DROSHA: variants seen among roughly 807,000 people sequenced by gnomAD.
The protein encoded by DROSHA is drosha ribonuclease III.
In DROSHA, 56 loss-of-function variants were observed where a neutral mutation model predicts 181.9. The ratio of observed to expected loss-of-function variants is 0.31; its 90% CI spans 0.25 to 0.38. DROSHA has a LOEUF of 0.38. Ranked by LOEUF, DROSHA falls within the 10% of genes least tolerant of loss-of-function variation. The probability of loss-of-function intolerance (pLI) is 1.00; values close to 1 mark genes in which losing one functional copy is unlikely to be tolerated. For synonymous variants in DROSHA, 524 were observed against 591.2 expected (o/e 0.89, Z 1.65); for missense variants, 1,218 against 1,743.5 (o/e 0.70, Z 5.37).
Position 31,529,072 on chromosome 5 carries a change from G to C in DROSHA, c.-13C>G. ...TTCCCTGCATCATGATGTTCCGCCTGGATATGTCACATCTTCCACAGAGAA... is the reference window on the plus strand; with the variant it reads ...TTCCCTGCATCATGATGTTCCGCCTCGATATGTCACATCTTCCACAGAGAA... On this transcript the variant is annotated 5_prime_UTR_variant, in exon 4 of 36. Transcript: ENST00000344624. 1 of 1,612,620 alleles carries C rather than the reference G, an allele frequency of 6.2e-7. No homozygotes were observed. The highest frequency in any genetic ancestry group is 8.5e-7 in the Non-Finnish European group (1 of 1,179,500).
chr5:31,406,078 TACAG>T lies in DROSHA; in HGVS notation c.3948-359_3948-356del, dbSNP rs147832282. ...TAAAGAGGAAAAGAATAAAAAAAAA[TACAG>T]ACAGGTTTCAAATCATTTCTCAGTT... On this transcript the variant is annotated intron_variant, in intron 34 of 35. Coordinates refer to ENST00000344624, the MANE Select transcript of DROSHA (RefSeq NM_001382508.1). Among the ~76,000 whole-genome samples the T allele has an allele frequency of 5.4e-3, 817 of 152,168 alleles. 9 individuals carry two copies. The highest frequency in any genetic ancestry group is 0.019 in the African/African-American group (789 of 41,512).
In DROSHA at chr5:31,409,971, T is replaced by TA. The variant is rs34034465; in HGVS notation, c.3668-640dup. 9.4e-3 allele frequency among the ~76,000 whole-genome samples: 1,361 copies of TA among 144,648 alleles called. 10 individuals carry two copies. The highest frequency in any genetic ancestry group is 0.014 in the Middle Eastern group (4 of 282). The allele number at this position is 144,648 out of a possible 152,430, so 94.9% of individuals were successfully genotyped here. A position where few individuals can be genotyped will look rare whatever the true frequency, so the allele number is the denominator to read the frequency against. ...GGAATAAAAATAGCTTTCATTGAGC[T>TA]AAAAAAAAAAAAAAGAATGATCTCT... On this transcript the variant is annotated intron_variant, in intron 31 of 35. Transcript: ENST00000344624. This position sits in a 1 kb window ranked among gnomAD's most constrained non-coding sequence, Gnocchi z 4.0.
intron 20 of DROSHA, among the ~76,000 whole-genome samples, chr5:31,456,035 T>G (rs539121771): frequency 6.6e-6 from 1 of 152,248 alleles, no homozygotes; most frequent in South Asian, 2.1e-4. Context: ...CCACAGATTT[T>G]ATATCCAGCC....
chr5:31,472,149 TCTC>T lies in DROSHA; in HGVS notation c.2152_2154del (p.Glu718del). 1 of 1,613,966 alleles carries T rather than the reference TCTC, an allele frequency of 6.2e-7. No homozygotes were observed. The highest frequency in any genetic ancestry group is 8.5e-7 in the Non-Finnish European group (1 of 1,179,874). Reference sequence around the variant, plus strand: ...TCCTCCCACTGAAGCATATTGGCAATCTCCTCCTCAGGCACCAGGGCTTTGCTG... The same window carrying T: ...TCCTCCCACTGAAGCATATTGGCAATCTCCTCAGGCACCAGGGCTTTGCTG... On this transcript the variant is annotated inframe_deletion, in exon 17 of 36. Transcript: ENST00000344624.
chr5:31,495,208 A>G, intron 12 of DROSHA, 78 bp downstream of exon 12: 2 of 1,423,360 alleles, frequency 1.4e-6, no homozygotes, highest in Middle Eastern at 3.5e-4. Flanking sequence ...TTGAGAACAG[A>G]ATCAATAACT....
chr5:31,525,666 G>T lies in DROSHA; in HGVS notation c.854+413C>A, dbSNP rs1033260164. Among the ~76,000 whole-genome samples, 5 of 152,106 alleles carry T rather than the reference G, an allele frequency of 3.3e-5. No homozygotes were observed. In the East Asian group the frequency reaches 9.7e-4, roughly 29 times the overall value. ...GAAAGTCCTTCCTGTTAACTAATTT[G>T]ATTCTTTATTAACACGCAGATCGCC... On this transcript the variant is annotated intron_variant, in intron 5 of 35. Coordinates refer to ENST00000344624, the MANE Select transcript of DROSHA (RefSeq NM_001382508.1).
intron 20 of DROSHA, 77 bp from the exon 21 acceptor site, chr5:31,451,717 G>A (rs1029032305): frequency 1.2e-5 from 15 of 1,226,866 alleles, no homozygotes; most frequent in African/African-American, 1.1e-4. Context: ...CAACAAGCCA[G>A]AACCATTTTC....
In DROSHA at chr5:31,511,047, C is replaced by T. The variant is rs367768426; in HGVS notation, c.1420G>A (p.Asp474Asn). The change falls in exon 9 of 36, where the codon GAT becomes AAT. Residue 474 changes from aspartate to asparagine, a missense_variant. Transcript: ENST00000344624. ...GACTCTGACTCACCTAAATCTTCAT[C>T]GAGCTTCGTCTTTGGAGGTTCCCAC... ...PPWEPPKTKL[D>N]EDLESSSESE... 4 of 1,613,798 alleles carry T rather than the reference C, an allele frequency of 2.5e-6. No homozygotes were observed. The highest frequency in any genetic ancestry group is 3.4e-6 in the Non-Finnish European group (4 of 1,179,852).
chr5:31,424,316 G>A, intron 28 of DROSHA, 111 bp downstream of exon 28: 1 of 1,356,840 alleles, frequency 7.4e-7, no homozygotes, highest in South Asian at 1.3e-5. Context: ...AAGGCACAAT[G>A]CCACCGAAGA....
chr5:31,531,849 T>A (rs1395034134), intron 1 of DROSHA, 141 bp downstream of exon 1: 1 of 154,674 alleles, frequency 6.5e-6, no homozygotes, highest in Non-Finnish European at 1.4e-5. Flanking sequence ...GTCGCTCTTT[T>A]GCCCTTAGCT....
Position 31,491,039 on chromosome 5 carries a change from A to G in DROSHA, c.1842+2168T>C, listed in dbSNP as rs78217290. On this transcript the variant is annotated intron_variant, in intron 13 of 35. Transcript: ENST00000344624. ...GTGCTGGGGGATGTTTTTAAAAATG[A>G]TGTTTTCTACTCACTTTTGCTGTAA... is the stretch of plus-strand genomic sequence containing the variant. Among the ~76,000 whole-genome samples, 1,120 of 152,310 alleles carry G rather than the reference A, an allele frequency of 7.4e-3. 9 individuals are homozygous for G. Among genetic ancestry groups the G allele is most frequent in the Non-Finnish European group, 0.013 (853 of 68,024 alleles).
rs58316191 is a variant in DROSHA, at chr5:31,431,366, CAAA to C, written c.3145+207_3145+209del. On this transcript the variant is annotated intron_variant, in intron 26 of 35. Coordinates refer to ENST00000344624, the MANE Select transcript of DROSHA (RefSeq NM_001382508.1). ...AGACACCAATTCAGGCAGTAGAATG[CAAA>C]AAAAAAAAAAAAAAAAAAAAGAGGC... 2.6e-3 allele frequency among the ~76,000 whole-genome samples: 152 copies of C among 57,662 alleles called. 1 individual carries two copies. The highest frequency in any genetic ancestry group is 3.6e-3 in the Non-Finnish European group (112 of 31,516). 37.8% of individuals were successfully genotyped at this position (57,662 alleles called of 152,430 possible).
chr5:31,446,175 G>T (rs1008079785), intron 23 of DROSHA, among the ~76,000 whole-genome samples: 8 of 152,136 alleles, frequency 5.3e-5, no homozygotes, highest in Admixed American at 4.6e-4. Context: ...GGCCGGGCGT[G>T]GTGGCTCACG....
intron 27 of DROSHA, among the ~76,000 whole-genome samples, chr5:31,429,237 T>C (rs1266638687): frequency 6.6e-6 from 1 of 152,142 alleles, no homozygotes; most frequent in Non-Finnish European, 1.5e-5. Flanking sequence ...ATTTAATTTA[T>C]AAGTGACCAT....
At chr5:31,443,145 G>A (rs7711641) in intron 23 of DROSHA, among the ~76,000 whole-genome samples, 46,307 of 149,930 alleles carry the variant, frequency 0.31, 7,748 homozygotes, top group East Asian at 0.53. Flanking sequence ...TCAGCCACCC[G>A]AGTAGCTGGG....
At chr5:31,517,017 G>T (rs1040627728) in intron 6 of DROSHA, among the ~76,000 whole-genome samples, 7 of 152,118 alleles carry the variant, frequency 4.6e-5, no homozygotes, top group African/African-American at 1.7e-4. Flanking sequence ...CCACATAAGA[G>T]TTCCCATTTC....
At chr5:31,512,284 C>T (rs1197740561) in intron 8 of DROSHA, among the ~76,000 whole-genome samples, 1 of 152,172 alleles carries the variant, frequency 6.6e-6, no homozygotes, top group Admixed American at 6.5e-5. Flanking sequence ...ACCACACAGA[C>T]GACAAAACTC....
In DROSHA at chr5:31,505,005, A is replaced by G. The variant is rs796853025; in HGVS notation, c.1588-370T>C. The stretch of plus-strand genomic sequence containing the variant: ...AAAGCAAATTTTATATCCTGGAGGA[A>G]CACATAGAGTGTTTTGAAGGTGACC... On this transcript the variant is annotated intron_variant, in intron 10 of 35. Transcript: ENST00000344624. Among the ~76,000 whole-genome samples, 7 of 152,342 alleles carry G rather than the reference A, an allele frequency of 4.6e-5. No homozygotes were observed. In the South Asian group the frequency reaches 1.0e-3, roughly 23 times the overall value.
At chr5:31,430,970 C>A (rs1473508821) in intron 26 of DROSHA, among the ~76,000 whole-genome samples, 3 of 152,198 alleles carry the variant, frequency 2.0e-5, no homozygotes, top group African/African-American at 7.2e-5. Flanking sequence ...CAGTCGCCAG[C>A]TAATTAACTC....
Sources: allele counts gnomAD v4.1 joint callset (sites outside exome capture counted in the v4.1 genomes callset), GRCh38; gene constraint gnomAD v4.1.1; non-coding constraint Gnocchi (gnomAD v3.1); transcripts MANE v1.5; gene names NCBI Gene and HGNC (gene_info 2026-07-23, HGNC 2026-07-21).